GREB1L: variants seen among roughly 807,000 people sequenced by gnomAD.
The protein encoded by GREB1L is GREB1-like protein.
GREB1L carries 17 observed loss-of-function variants against 200.8 expected under a neutral mutation model. The ratio of observed to expected loss-of-function variants is 0.08; its 90% CI spans 0.06 to 0.13. The LOEUF (loss-of-function observed/expected upper bound fraction) is 0.13, where lower values mean the gene tolerates loss of function less well. Ranked by LOEUF, GREB1L falls within the 10% of genes least tolerant of loss-of-function variation. The pLI is 1.00. For missense variants in GREB1L, 1,657 were observed against 2,367.7 expected (o/e 0.70, Z 6.23); for synonymous variants, 789 against 893.0 (o/e 0.88, Z 2.08).
intron 1 of GREB1L, among the ~76,000 whole-genome samples, chr18:21,325,813 C>CAAA (rs60239796): frequency 1.2e-4 from 5 of 41,692 alleles, no homozygotes; most frequent in East Asian, 8.8e-4. Flanking sequence ...GACCTTGTCT[C>CAAA]AAAAAAAAAA....
rs2036976494 is a variant in GREB1L at position 21,505,519 on chromosome 18, A to T, written c.4180A>T (p.Ser1394Cys). 5.2e-6 allele frequency: 8 copies of T among 1,551,844 alleles called. No homozygotes were observed. The highest frequency in any genetic ancestry group is 6.1e-6 in the Non-Finnish European group (7 of 1,147,034). ...TGTCAGTGTGCATGACCCCAAGTAC[A>T]GTTTGATGAGCCTGGTGTATACTGA... ...FDVSVHDPKY[S>C]LMSLVYTEKL... The change falls in exon 24 of 33, where the codon AGT becomes TGT. Residue 1394 changes from serine to cysteine, a missense_variant. Physicochemically the swap from Ser to Cys is moderately radical, Grantham distance 112. Coordinates refer to ENST00000424526, the MANE Select transcript of GREB1L (RefSeq NM_001142966.3).
At chr18:21,516,878 T>TG (rs1012273134) in intron 30 of GREB1L, 124 bp downstream of exon 30, 6 of 310,340 alleles carry the variant, frequency 1.9e-5, no homozygotes, top group Non-Finnish European at 2.7e-5. Context: ...CACAAGGGAG[T>TG]TTTTTTTTTT....
chr18:21,278,123 T>TA (rs2038200225), intron 1 of GREB1L, among the ~76,000 whole-genome samples: 1 of 152,296 alleles, frequency 6.6e-6, no homozygotes, highest in Admixed American at 6.5e-5. Context: ...CTTATGCCTG[T>TA]AGTCCCAGCA....
At chr18:21,510,189 G>A (rs896726424) in intron 27 of GREB1L, among the ~76,000 whole-genome samples, 2 of 150,416 alleles carry the variant, frequency 1.3e-5, no homozygotes, top group Non-Finnish European at 2.9e-5. Context: ...ACACCAGCCT[G>A]CGTGACAACA....
intron 11 of GREB1L, among the ~76,000 whole-genome samples, chr18:21,444,903 A>G (rs1017202644): frequency 1.3e-5 from 2 of 152,062 alleles, no homozygotes; most frequent in Middle Eastern, 3.2e-3. Context: ...CCTTTGATGG[A>G]GTCCCATCGT....
At chr18:21,470,687 G>C (rs1444148572) in intron 15 of GREB1L, among the ~76,000 whole-genome samples, 1 of 151,854 alleles carries the variant, frequency 6.6e-6, no homozygotes, top group Non-Finnish European at 1.5e-5. Flanking sequence ...TTTCTTTGTA[G>C]TTATAAGCCA....
intron 1 of GREB1L, among the ~76,000 whole-genome samples, chr18:21,290,935 T>G (rs1237323049): frequency 6.6e-6 from 1 of 152,162 alleles, no homozygotes; most frequent in African/African-American, 2.4e-5. Flanking sequence ...TAGTAGCTGT[T>G]GTTTATATAA....
intron 27 of GREB1L, chr18:21,508,801 C>G: frequency 1.7e-6 from 1 of 583,444 alleles, no homozygotes; most frequent in Non-Finnish European, 3.0e-6. Flanking sequence ...AGAATTAACT[C>G]TGAGGACTGG....
chr18:21,335,198 C>T (rs932305005), intron 1 of GREB1L, among the ~76,000 whole-genome samples: 3 of 152,120 alleles, frequency 2.0e-5, no homozygotes, highest in Admixed American at 6.5e-5. Flanking sequence ...AAAGAGGAGA[C>T]GGTAAACGTT....
intron 23 of GREB1L, among the ~76,000 whole-genome samples, chr18:21,502,324 G>A (rs1408184086): frequency 6.6e-6 from 1 of 151,994 alleles, no homozygotes; most frequent in Non-Finnish European, 1.5e-5. Flanking sequence ...CAATTTGACT[G>A]TGCTGGCAGG....
intron 4 of GREB1L, among the ~76,000 whole-genome samples, chr18:21,390,340 G>A (rs2040744880): frequency 6.6e-6 from 1 of 151,966 alleles, no homozygotes; most frequent in Non-Finnish European, 1.5e-5. Flanking sequence ...AGGTCCTTTA[G>A]GAGGTATTCC....
intron 1 of GREB1L, among the ~76,000 whole-genome samples, chr18:21,276,211 T>A (rs2038160816): frequency 6.6e-6 from 1 of 152,222 alleles, no homozygotes; most frequent in African/African-American, 2.4e-5. Context: ...CCTGATGACC[T>A]TCTTCTGCGA....
At chr18:21,272,798 A>C (rs1322501166) in intron 1 of GREB1L, among the ~76,000 whole-genome samples, 1 of 152,246 alleles carries the variant, frequency 6.6e-6, no homozygotes, top group African/African-American at 2.4e-5. Flanking sequence ...GAAGATAATA[A>C]AAAAAGATGT....
At chr18:21,446,572 C>G (rs2034233445) in intron 11 of GREB1L, among the ~76,000 whole-genome samples, 1 of 152,276 alleles carries the variant, frequency 6.6e-6, no homozygotes, top group African/African-American at 2.4e-5. Context: ...ACATGAATAG[C>G]TATTTCTCTT....
chr18:21,308,915 T>C (rs1366857432), intron 1 of GREB1L, among the ~76,000 whole-genome samples: 4 of 152,198 alleles, frequency 2.6e-5, no homozygotes, highest in Admixed American at 2.6e-4. Flanking sequence ...CACCTCCTAC[T>C]TCTATATGGT....
intron 1 of GREB1L, among the ~76,000 whole-genome samples, chr18:21,286,444 T>C (rs2038358703): frequency 6.6e-6 from 1 of 152,120 alleles, no homozygotes; most frequent in Non-Finnish European, 1.5e-5. Flanking sequence ...TGTTTAAGAT[T>C]GATTATAGGG....
rs2037928645 is a variant in GREB1L at position 21,264,012 on chromosome 18, T to C, written c.-120+21619T>C. Reference sequence around the variant, plus strand: ...CTCATCTCTTTACAGTTGAATTGCCTTGTGACTCCCCAGTGCAGAATTTTC... The same window carrying C: ...CTCATCTCTTTACAGTTGAATTGCCCTGTGACTCCCCAGTGCAGAATTTTC... On this transcript the variant is annotated intron_variant, in intron 1 of 32. Coordinates refer to ENST00000424526, the MANE Select transcript of GREB1L (RefSeq NM_001142966.3). Among the ~76,000 whole-genome samples, 3 of 152,362 alleles carry C rather than the reference T, an allele frequency of 2.0e-5. No homozygotes were observed. The South Asian group carries it at 6.2e-4, about 32-fold the overall frequency.
At chr18:21,451,434 G>A (rs946297945) in intron 13 of GREB1L, 4 of 222,388 alleles carry the variant, frequency 1.8e-5, no homozygotes, top group South Asian at 2.9e-4. Context: ...TTGTTCGTTC[G>A]TTCCTTCCTT....
At chr18:21,394,395 G>A (rs888132135) in intron 4 of GREB1L, among the ~76,000 whole-genome samples, 29 of 152,298 alleles carry the variant, frequency 1.9e-4, no homozygotes, top group African/African-American at 7.0e-4. Flanking sequence ...GTGATTCTTG[G>A]TTCCTTATAC....
Sources: gnomAD v4.1 joint callset for allele counts (sites outside exome capture counted in the v4.1 genomes callset) on GRCh38, gnomAD v4.1.1 for gene constraint, MANE v1.5 for transcripts, NCBI Gene and HGNC (gene_info 2026-07-23, HGNC 2026-07-21) for gene names.